SCFD2: variants seen among roughly 807,000 people sequenced by gnomAD.
SCFD2 encodes the protein sec1 family domain containing 2, also known as sec1 family domain-containing protein 2.
In SCFD2, 54 loss-of-function variants were observed where a neutral mutation model predicts 58.9. That is an observed-to-expected ratio of 0.92 (90% CI 0.74 to 1.15). The LOEUF (loss-of-function observed/expected upper bound fraction) is 1.15. Among genes scored for constraint, SCFD2 ranks in the 50% most tolerant of loss-of-function variants. The pLI is 0.00. For synonymous variants in SCFD2, 321 were observed against 335.9 expected (o/e 0.96, Z 0.49); for missense variants, 805 against 836.6 (o/e 0.96, Z 0.47).
intron 4 of SCFD2, among the ~76,000 whole-genome samples, chr4:53,206,040 C>T (rs1728396116): frequency 6.6e-6 from 1 of 152,086 alleles, no homozygotes; most frequent in Non-Finnish European, 1.5e-5. Flanking sequence ...CACTAGTCCC[C>T]CAAAGTGCAG....
At chr4:52,930,455 G>T (rs1248202669) in intron 5 of SCFD2, among the ~76,000 whole-genome samples, 1 of 152,128 alleles carries the variant, frequency 6.6e-6, no homozygotes, top group Non-Finnish European at 1.5e-5. Context: ...CATGGGCAAA[G>T]ATTTCATGAC....
At chr4:52,959,498 G>C (rs1359965763) in intron 5 of SCFD2, among the ~76,000 whole-genome samples, 2 of 152,100 alleles carry the variant, frequency 1.3e-5, no homozygotes, top group Non-Finnish European at 2.9e-5. Context: ...AATCTCATCT[G>C]GGCTGTATTA....
intron 4 of SCFD2, among the ~76,000 whole-genome samples, chr4:53,185,855 TA>T (rs1727721925): frequency 6.6e-6 from 1 of 152,114 alleles, no homozygotes; most frequent in African/African-American, 2.4e-5. Flanking sequence ...TAATTAAATT[TA>T]TTTTCCTTCA....
intron 5 of SCFD2, among the ~76,000 whole-genome samples, chr4:53,005,157 C>A (rs1439666142): frequency 1.3e-5 from 2 of 152,186 alleles, no homozygotes; most frequent in Non-Finnish European, 2.9e-5. Context: ...CTTTGGCCCC[C>A]TCAAAGTGTT....
chr4:53,184,845 C>G (rs78173907), intron 4 of SCFD2, among the ~76,000 whole-genome samples: 3,208 of 152,112 alleles, frequency 0.021, 124 homozygotes, highest in African/African-American at 0.073. Context: ...ATATACCCTG[C>G]GGGCCCATGA....
intron 5 of SCFD2, among the ~76,000 whole-genome samples, chr4:53,067,254 T>C (rs1723688155): frequency 6.6e-6 from 1 of 152,018 alleles, no homozygotes. Context: ...CTGTGTATCA[T>C]GGCCTTGTAG....
intron 5 of SCFD2, among the ~76,000 whole-genome samples, chr4:53,075,859 C>A (rs1338222760): frequency 6.6e-6 from 1 of 152,010 alleles, no homozygotes; most frequent in Non-Finnish European, 1.5e-5. Flanking sequence ...TGAGAGTTAC[C>A]AAAATGTGAC....
intron 4 of SCFD2, among the ~76,000 whole-genome samples, chr4:53,259,711 G>A (rs2149052336): frequency 6.6e-6 from 1 of 152,114 alleles, no homozygotes; most frequent in African/African-American, 2.4e-5. Flanking sequence ...GCTCTTTTTT[G>A]GTTCCATATG....
At chr4:53,312,284 C>G (rs1282790159) in intron 3 of SCFD2, among the ~76,000 whole-genome samples, 1 of 152,172 alleles carries the variant, frequency 6.6e-6, no homozygotes, top group Non-Finnish European at 1.5e-5. Context: ...ATTGGCTGTA[C>G]AAATTAGGAT....
intron 7 of SCFD2, among the ~76,000 whole-genome samples, chr4:52,900,397 G>T (rs1185832562): frequency 6.6e-6 from 1 of 152,196 alleles, no homozygotes; most frequent in African/African-American, 2.4e-5. Flanking sequence ...AGGTCTATTG[G>T]AGCTTACTGG....
chr4:53,320,328 G>A (rs1009073982), intron 2 of SCFD2, among the ~76,000 whole-genome samples: 1 of 152,032 alleles, frequency 6.6e-6, no homozygotes, highest in Admixed American at 6.6e-5. Context: ...TATTTATAAG[G>A]TTTCCAGGCA....
chr4:52,909,913 C>T (rs1467597628), intron 6 of SCFD2, among the ~76,000 whole-genome samples: 1 of 152,122 alleles, frequency 6.6e-6, no homozygotes, highest in Non-Finnish European at 1.5e-5. Flanking sequence ...AATACTCTTC[C>T]CTGAGTAAAC....
chr4:52,950,547 G>C (rs559144845), intron 5 of SCFD2: 1 of 152,316 alleles, frequency 6.6e-6, no homozygotes, highest in East Asian at 1.9e-4. Flanking sequence ...AAAATACCTA[G>C]AGCAGAAATG....
intron 5 of SCFD2, among the ~76,000 whole-genome samples, chr4:53,109,357 T>C (rs1445469305): frequency 6.6e-6 from 1 of 152,180 alleles, no homozygotes; most frequent in Non-Finnish European, 1.5e-5. Context: ...ATATTGGAAG[T>C]TCTGGCCAGG....
At chr4:53,145,280 C>A (rs1726290830) in intron 5 of SCFD2, 53 bp downstream of exon 5, 1 of 1,588,640 alleles carries the variant, frequency 6.3e-7, no homozygotes, top group Admixed American at 1.8e-5. Context: ...TATTTTGAAA[C>A]CTGTTTCGTG....
intron 5 of SCFD2, among the ~76,000 whole-genome samples, chr4:52,961,850 G>C (rs1417962736): frequency 6.6e-6 from 1 of 152,164 alleles, no homozygotes; most frequent in South Asian, 2.1e-4. Context: ...TGGCTTAGAA[G>C]TGGTGAGACT....
At chr4:53,053,423 C>T (rs765680987) in intron 5 of SCFD2, among the ~76,000 whole-genome samples, 3 of 152,138 alleles carry the variant, frequency 2.0e-5, no homozygotes, top group African/African-American at 7.2e-5. Context: ...TAAGTGATAT[C>T]TTAATGAAAA....
chr4:53,172,925 A>G (rs1171524372), intron 4 of SCFD2, among the ~76,000 whole-genome samples: 1 of 152,194 alleles, frequency 6.6e-6, no homozygotes, highest in Non-Finnish European at 1.5e-5. Context: ...CTGTCCCTTG[A>G]AAGTCAGGTA....
chr4:53,090,471 T>C (rs1299176446), intron 5 of SCFD2, among the ~76,000 whole-genome samples: 1 of 152,204 alleles, frequency 6.6e-6, no homozygotes, highest in African/African-American at 2.4e-5. Flanking sequence ...GCAGTGATTG[T>C]ATTCTTAGAA....
Sources: gnomAD v4.1 joint callset for allele counts (sites outside exome capture counted in the v4.1 genomes callset) on GRCh38, gnomAD v4.1.1 for gene constraint, MANE v1.5 for transcripts, NCBI Gene and HGNC (gene_info 2026-07-23, HGNC 2026-07-21) for gene names.